ENOX2: variants seen among roughly 807,000 people sequenced by gnomAD.
The protein encoded by ENOX2 is APK1 antigen.
Under a neutral mutation model 45.0 loss-of-function variants are expected in ENOX2, and 36 were observed. The ratio of observed to expected loss-of-function variants is 0.80; its 90% CI spans 0.61 to 1.06. ENOX2 has a LOEUF of 1.06. Among genes scored for constraint, ENOX2 ranks in the 50% least tolerant of loss-of-function variants. ENOX2 has a pLI of 0.00. For synonymous variants in ENOX2, 174 were observed against 152.3 expected (o/e 1.14, Z -1.05); for missense variants, 423 against 462.5 (o/e 0.91, Z 0.78).
intron 6 of ENOX2, among the ~76,000 whole-genome samples, chrX:130,676,202 T>A (rs752438507): frequency 8.9e-6 from 1 of 112,020 alleles, no homozygotes; most frequent in Admixed American, 9.4e-5. Context: ...TCATTAAAGA[T>A]GCTACAATGC....
chrX:130,777,470 A>G (rs760681881), intron 3 of ENOX2, among the ~76,000 whole-genome samples: 1 of 105,526 alleles, frequency 9.5e-6, no homozygotes, highest in South Asian at 4.7e-4. Context: ...AGCCTGGGTG[A>G]CAGAGTGAGA....
intron 2 of ENOX2, among the ~76,000 whole-genome samples, chrX:130,829,148 T>C (rs1416472662): frequency 9.0e-6 from 1 of 111,272 alleles, no homozygotes; most frequent in Admixed American, 9.6e-5. Context: ...CGGTGCTCCA[T>C]GAGAATAAGA....
At chrX:130,709,852 G>A (rs1393120417) in intron 3 of ENOX2, among the ~76,000 whole-genome samples, 1 of 108,235 alleles carries the variant, frequency 9.2e-6, no homozygotes, top group African/African-American at 3.4e-5. Flanking sequence ...TGCCATGGTA[G>A]TTTGCTGCAC....
rs188899302 is a variant in ENOX2 at position 130,808,883 on chromosome X, G to A, written c.-182-25193C>T. On this transcript the variant is annotated intron_variant, in intron 2 of 14. Coordinates refer to ENST00000394363, the MANE Select transcript of ENOX2 (RefSeq NM_006375.4). ...TTGTCTCTCACTTCACAGAACTAGA[G>A]AGACTAAACTACTAATTTTATATCT... 3.5e-3 allele frequency among the ~76,000 whole-genome samples: 392 copies of A among 112,305 alleles called. 1 individual carries two copies. Among genetic ancestry groups the A allele is most frequent in the African/African-American group, 0.012 (372 of 30,967 alleles).
At chrX:130,759,409 T>C (rs2039421932) in intron 3 of ENOX2, among the ~76,000 whole-genome samples, 1 of 108,539 alleles carries the variant, frequency 9.2e-6, no homozygotes, top group African/African-American at 3.4e-5. Flanking sequence ...CTGGCCAACA[T>C]GGTGAAACCC....
At chrX:130,851,653 A>G (rs1235977775) in intron 2 of ENOX2, among the ~76,000 whole-genome samples, 1 of 111,514 alleles carries the variant, frequency 9.0e-6, no homozygotes, top group Non-Finnish European at 1.9e-5. Flanking sequence ...GGGAAAAGGT[A>G]GCATCCTTTT....
intron 3 of ENOX2, among the ~76,000 whole-genome samples, chrX:130,728,892 A>T (rs974640731): frequency 9.0e-6 from 1 of 111,624 alleles, no homozygotes; most frequent in Admixed American, 9.5e-5. Flanking sequence ...AATGAGTTAG[A>T]ACACGTGTGG....
intron 4 of ENOX2, 61 bp downstream of exon 4, chrX:130,703,059 A>G (rs1381837695): frequency 3.7e-6 from 4 of 1,088,103 alleles, no homozygotes; most frequent in Non-Finnish European, 5.0e-6. Context: ...TCATACTGCT[A>G]TATTTATAAC....
intron 5 of ENOX2, among the ~76,000 whole-genome samples, chrX:130,685,751 GGA>G (rs1491111512): frequency 8.9e-6 from 1 of 111,734 alleles, no homozygotes; most frequent in African/African-American, 3.3e-5. Flanking sequence ...TTGGGCTGGA[GGA>G]GAGTGTGAGG....
chrX:130,753,569 T>C (rs1348225440), intron 3 of ENOX2, among the ~76,000 whole-genome samples: 1 of 95,591 alleles, frequency 1.0e-5, no homozygotes, highest in Non-Finnish European at 2.1e-5. Context: ...TTCGCCTGTC[T>C]ATCTCCCTCT....
chrX:130,854,857 T>A (rs1375832995), intron 2 of ENOX2, among the ~76,000 whole-genome samples: 2 of 111,593 alleles, frequency 1.8e-5, no homozygotes, highest in Non-Finnish European at 3.8e-5. Context: ...ATTTAAAAAT[T>A]CAGCAGTGAT....
chrX:130,693,307 T>C (rs1365681131), intron 4 of ENOX2, among the ~76,000 whole-genome samples: 2 of 112,680 alleles, frequency 1.8e-5, no homozygotes, highest in African/African-American at 6.5e-5. Flanking sequence ...GTACCATCAG[T>C]GAACCACCAT....
At chrX:130,845,671 G>C (rs2078088887) in intron 2 of ENOX2, among the ~76,000 whole-genome samples, 1 of 111,663 alleles carries the variant, frequency 9.0e-6, no homozygotes, top group South Asian at 3.8e-4. Context: ...CTCCATGTTG[G>C]TCAGGCTGGT....
chrX:130,829,032 T>G (rs1398873843), intron 2 of ENOX2, among the ~76,000 whole-genome samples: 1 of 111,910 alleles, frequency 8.9e-6, no homozygotes, highest in Non-Finnish European at 1.9e-5. Flanking sequence ...ATAACAAATG[T>G]GCACTTCTTT....
intron 2 of ENOX2, among the ~76,000 whole-genome samples, chrX:130,802,159 T>G (rs1367789931): frequency 8.9e-6 from 1 of 112,028 alleles, no homozygotes; most frequent in Non-Finnish European, 1.9e-5. Flanking sequence ...TGACTATAGT[T>G]CTCCCATCTG....
chrX:130,783,368 T>C (rs1325985066), intron 3 of ENOX2, among the ~76,000 whole-genome samples, 179 bp downstream of exon 3: 1 of 111,724 alleles, frequency 9.0e-6, no homozygotes, highest in East Asian at 2.8e-4. Context: ...TCACAGTTAT[T>C]CGTGTATGTG....
chrX:130,632,362 GGC>G (rs1219087955), intron 12 of ENOX2, among the ~76,000 whole-genome samples: 1 of 22,079 alleles, frequency 4.5e-5, no homozygotes, highest in African/African-American at 9.1e-5. Context: ...AGCAGGAAGG[GGC>G]GGGGGGGGGG....
intron 2 of ENOX2, among the ~76,000 whole-genome samples, chrX:130,833,056 A>ACACACAC (rs759746444): frequency 9.2e-4 from 85 of 91,965 alleles, no homozygotes; most frequent in African/African-American, 3.3e-3. Context: ...CACACACACA[A>ACACACAC]ACAGCACTGA....
At chrX:130,882,515 G>A (rs1441770562) in intron 2 of ENOX2, among the ~76,000 whole-genome samples, 1 of 110,926 alleles carries the variant, frequency 9.0e-6, no homozygotes, top group Admixed American at 9.6e-5. Context: ...ATTACACTTT[G>A]GCTGTCAATG....
Sources: gnomAD v4.1 joint callset for allele counts (sites outside exome capture counted in the v4.1 genomes callset) on GRCh38, gnomAD v4.1.1 for gene constraint, MANE v1.5 for transcripts, NCBI Gene and HGNC (gene_info 2026-07-23, HGNC 2026-07-21) for gene names.